Variants in HMGN1 observed in about 807,000 individuals in gnomAD.
HMGN1 encodes high mobility group nucleosome binding domain 1.
Under a neutral mutation model 18.4 loss-of-function variants are expected in HMGN1, and 9 were observed. The observed-to-expected ratio is 0.49, with a 90% confidence interval of 0.29 to 0.85. The LOEUF (loss-of-function observed/expected upper bound fraction) is 0.85. Among genes scored for constraint, HMGN1 ranks in the 40% least tolerant of loss-of-function variants. The pLI, the probability that HMGN1 is intolerant of heterozygous loss-of-function variation, is 0.07. For missense variants in HMGN1, 151 were observed against 119.2 expected (o/e 1.27, Z -1.24); for synonymous variants, 59 against 45.0 (o/e 1.31, Z -1.24).
intron 4 of HMGN1, chr21:39,347,057 AAC>A (rs3138678): frequency 0.011 from 1,702 of 149,052 alleles, 25 homozygotes; most frequent in African/African-American, 0.029. Flanking sequence ...ATTAGTTTAA[AAC>A]ACACACACAC....
rs2037174430 is a variant in HMGN1, at chr21:39,348,984, G to GA, written c.-68_-67insT. On this transcript the variant is annotated 5_prime_UTR_variant, in exon 1 of 6. Transcript: ENST00000380749. ...GGCGCGTGCCGGGTGCCTGCGGGCC[G>GA]CGGCGCGCCGACAGCCTTCGCGAAA... 5.0e-6 allele frequency: 6 copies of GA among 1,192,258 alleles called. No individual in the cohort carries two copies. In the African/African-American group the frequency reaches 1.1e-4, roughly 21 times the overall value. The allele number at this position is 1,192,258 out of a possible 1,614,324, so 73.9% of individuals were successfully genotyped here.
chr21:39,345,951 T>C, intron 4 of HMGN1: 1 of 1,301,346 alleles, frequency 7.7e-7, no homozygotes, highest in Non-Finnish European at 1.0e-6. Context: ...TTTAGGTGTT[T>C]GAAGAATCTG....
rs993177502 is a variant in HMGN1 at position 39,348,452 on chromosome 21, C to T, written c.49-1G>A. 2 of 1,614,176 alleles carry T rather than the reference C, an allele frequency of 1.2e-6. No individual in the cohort carries two copies. The highest frequency in any genetic ancestry group is 1.7e-6 in the Non-Finnish European group (2 of 1,180,036). On this transcript the variant is annotated splice_acceptor_variant, in intron 2 of 5. Transcript: ENST00000380749. LOFTEE classifies it high-confidence loss of function. Reference sequence around the variant, plus strand: ...ACAACCGCGCCGATCTCCTCTTGGGCTTGGAGAAAGAAAAAGGAGAGTCAG... The same window carrying T: ...ACAACCGCGCCGATCTCCTCTTGGGTTTGGAGAAAGAAAAAGGAGAGTCAG...
At chr21:39,347,401 T>C (rs1029738179) in intron 4 of HMGN1, 3 of 1,233,076 alleles carry the variant, frequency 2.4e-6, no homozygotes, top group African/African-American at 1.6e-5. Flanking sequence ...AGGACAAATT[T>C]AGTAATTATC....
In HMGN1 at chr21:39,348,978, C is replaced by A; in HGVS notation, c.-61G>T. The A allele has an allele frequency of 8.3e-7, 1 of 1,204,150 alleles. No homozygotes were observed. The highest frequency in any genetic ancestry group is 1.0e-6 in the Non-Finnish European group (1 of 970,890). 74.6% of individuals were successfully genotyped at this position (1,204,150 alleles called of 1,614,324 possible). ...GGGGAAGGCGCGTGCCGGGTGCCTG[C>A]GGGCCGCGGCGCGCCGACAGCCTTC... is the stretch of plus-strand genomic sequence containing the variant. On this transcript the variant is annotated 5_prime_UTR_variant, in exon 1 of 6. Transcript: ENST00000380749.
intron 4 of HMGN1, 87 bp from the exon 5 acceptor site, chr21:39,345,361 G>A: frequency 6.7e-6 from 9 of 1,340,292 alleles, no homozygotes; most frequent in Non-Finnish European, 9.5e-6. Context: ...TGTCAGACAA[G>A]TAATGTGCCC....
At chr21:39,348,178 G>A (rs563361195) in intron 4 of HMGN1, 114 bp downstream of exon 4, 24 of 1,342,820 alleles carry the variant, frequency 1.8e-5, no homozygotes, top group South Asian at 1.3e-4. Context: ...ATTATTTACC[G>A]TAATTATTAA....
chr21:39,348,082 T>C, intron 4 of HMGN1: 3 of 910,630 alleles, frequency 3.3e-6, no homozygotes, highest in South Asian at 3.8e-5. Context: ...CTAAGTCTCC[T>C]AACATCTGCA....
At chr21:39,344,704 ATAAAGAT>A (rs1199124770) in intron 5 of HMGN1, 1 of 155,018 alleles carries the variant, frequency 6.5e-6, no homozygotes, top group African/African-American at 2.4e-5. Context: ...GTCTCTAAGA[ATAAAGAT>A]TAATGACACT....
rs191333937 is a variant in HMGN1, at chr21:39,347,751, A to G, written c.126+541T>C. The G allele has an allele frequency of 4.4e-5, 12 of 271,670 alleles. No homozygotes were observed. The Admixed American group carries it at 6.2e-4, about 14-fold the overall frequency. The allele number at this position is 271,670 out of a possible 1,614,324, so 16.8% of individuals were successfully genotyped here. ...CGAATCATGCAATCACGAATTTGTT[A>G]GGGAGCAGCCAAAATCACGGTTTTG... On this transcript the variant is annotated intron_variant, in intron 4 of 5. Transcript: ENST00000380749.
intron 4 of HMGN1, chr21:39,346,275 A>G: frequency 3.7e-6 from 1 of 272,174 alleles, no homozygotes; most frequent in Non-Finnish European, 7.3e-6. Context: ...TACTAATAGT[A>G]GGATTCCACA....
At chr21:39,343,217 A>T in intron 5 of HMGN1, 58 bp from the exon 6 acceptor site, 4 of 1,462,670 alleles carry the variant, frequency 2.7e-6, no homozygotes, top group Non-Finnish European at 3.8e-6. Flanking sequence ...TTTTATTTAT[A>T]TGCAACTATC....
Position 39,349,011 on chromosome 21 carries a change from T to C in HMGN1, c.-94A>G, listed in dbSNP as rs11541408. Reference sequence around the variant, plus strand: ...GGCGCGCCGACAGCCTTCGCGAAACTGGGCTGCCTTGCCGCTGCCACTCCT... The same window carrying C: ...GGCGCGCCGACAGCCTTCGCGAAACCGGGCTGCCTTGCCGCTGCCACTCCT... On this transcript the variant is annotated 5_prime_UTR_variant, in exon 1 of 6. Coordinates refer to ENST00000380749, the MANE Select transcript of HMGN1 (RefSeq NM_004965.7). 110,330 of 1,185,730 alleles carry C rather than the reference T, an allele frequency of 0.093. 6,011 individuals are homozygous for C. The highest frequency in any genetic ancestry group is 0.23 in the African/African-American group (13,990 of 60,804). 73.5% of individuals were successfully genotyped at this position (1,185,730 alleles called of 1,614,324 possible).
chr21:39,345,997 A>G, intron 4 of HMGN1: 1 of 1,254,324 alleles, frequency 8.0e-7, no homozygotes, highest in Non-Finnish European at 1.1e-6. Flanking sequence ...TACTAACTTG[A>G]TACATTAAGT....
chr21:39,344,699 T>A (rs1490718013), intron 5 of HMGN1: 1 of 154,816 alleles, frequency 6.5e-6, no homozygotes, highest in Non-Finnish European at 1.4e-5. Flanking sequence ...ACACTGTCTC[T>A]AAGAATAAAG....
intron 5 of HMGN1, among the ~76,000 whole-genome samples, chr21:39,343,613 G>A (rs575716496): frequency 6.6e-6 from 1 of 152,334 alleles, no homozygotes; most frequent in East Asian, 1.9e-4. Flanking sequence ...ATGTGTTGGA[G>A]GGCTTTGTTC....
chr21:39,343,704 CAT>C (rs1468633804), intron 5 of HMGN1, among the ~76,000 whole-genome samples: 2 of 152,280 alleles, frequency 1.3e-5, no homozygotes, highest in East Asian at 3.9e-4. Context: ...CAGAAATACA[CAT>C]GTAACAAAGT....
At chr21:39,347,491 G>A (rs150837853) in intron 4 of HMGN1, 8 of 1,242,356 alleles carry the variant, frequency 6.4e-6, no homozygotes, top group Middle Eastern at 2.6e-4. Context: ...ACACTTTTAG[G>A]AAAGAGGTGA....
At chr21:39,345,504 T>C in intron 4 of HMGN1, 1 of 568,552 alleles carries the variant, frequency 1.8e-6, no homozygotes, top group Non-Finnish European at 3.1e-6. Context: ...TATTAATGTC[T>C]ATCACACATC....
Sources: allele counts gnomAD v4.1 joint callset (sites outside exome capture counted in the v4.1 genomes callset), GRCh38; gene constraint gnomAD v4.1.1; transcripts MANE v1.5; gene names NCBI Gene and HGNC (gene_info 2026-07-23, HGNC 2026-07-21).